FKBP15: variants seen among roughly 807,000 people sequenced by gnomAD.
The protein encoded by FKBP15 is FK506-binding protein 15.
Under a neutral mutation model 158.1 loss-of-function variants are expected in FKBP15, and 106 were observed. The ratio of observed to expected loss-of-function variants is 0.67; its 90% CI spans 0.57 to 0.79. The LOEUF (loss-of-function observed/expected upper bound fraction) is 0.79, where lower values mean the gene tolerates loss of function less well. Among genes scored for constraint, FKBP15 ranks in the 30% least tolerant of loss-of-function variants. FKBP15 has a pLI of 0.00. For synonymous variants in FKBP15, 547 were observed against 548.6 expected, an observed-to-expected ratio of 1.00 and a Z score of 0.04; for missense variants, 1,287 against 1,479.1, an observed-to-expected ratio of 0.87 and a Z score of 2.13.
At chr9:113,214,153 C>G (rs1831073129) in intron 1 of FKBP15, among the ~76,000 whole-genome samples, 1 of 152,152 alleles carries the variant, frequency 6.6e-6, no homozygotes. Flanking sequence ...CACCAAGAAA[C>G]CTGGCTAATT....
intron 20 of FKBP15, among the ~76,000 whole-genome samples, chr9:113,177,956 G>A (rs1830328227): frequency 6.6e-6 from 1 of 152,032 alleles, no homozygotes; most frequent in Non-Finnish European, 1.5e-5. Context: ...CTGTGATAAG[G>A]GTTATAATAA....
Position 113,198,754 on chromosome 9 carries a change from AAAAATAAAAAT to A in FKBP15, c.717+90_717+100del, listed in dbSNP as rs1412752981. On this transcript the variant is annotated intron_variant, in intron 8 of 27. Transcript: ENST00000238256. This position sits in a 1 kb window ranked among gnomAD's most constrained non-coding sequence, Gnocchi z 5.2. ...ACAACAAGAGCGAAACTCCGTCTCA[AAAAATAAAAAT>A]AAAATAAAAAAAGGAATTCCACAAA... The A allele has an allele frequency of 1.8e-5, 16 of 905,158 alleles. No individual in the cohort carries two copies. Among genetic ancestry groups the A allele is most frequent in the Non-Finnish European group, 2.5e-5 (15 of 604,620 alleles). The allele number at this position is 905,158 out of a possible 1,614,324, so 56.1% of individuals were successfully genotyped here. A position where few individuals can be genotyped will look rare whatever the true frequency, so the allele number is the denominator to read the frequency against.
In FKBP15 at chr9:113,183,850, T is replaced by G; in HGVS notation, c.1717-5A>C. On this transcript the variant is annotated splice_polypyrimidine_tract_variant and splice_region_variant and intron_variant, in intron 17 of 27. Transcript: ENST00000238256. ...TTGCTTCAATCTTTCATTTTCCTAA[T>G]TTCAAAATATATGATGTACAATTTA... The G allele has an allele frequency of 6.2e-7, 1 of 1,603,606 alleles. No homozygotes were observed. Among genetic ancestry groups the G allele is most frequent in the Non-Finnish European group, 8.5e-7 (1 of 1,170,956 alleles).
At chr9:113,175,324 GT>G (rs1423962945) in intron 21 of FKBP15, among the ~76,000 whole-genome samples, 6 of 152,256 alleles carry the variant, frequency 3.9e-5, no homozygotes, top group South Asian at 4.1e-4. Flanking sequence ...AGTATCTATA[GT>G]AATGACAAAC....
Position 113,178,691 on chromosome 9 carries a change from T to C in FKBP15, c.2025A>G (p.Glu675=), listed in dbSNP as rs1830340214. The change falls in exon 20 of 28, where the codon GAA becomes GAG. Residue 675 remains glutamate (E), a synonymous_variant. Transcript: ENST00000238256. ...KETELQMQLT[E]SLKETDLLRG... is the part of the protein sequence containing the mutation. Reference sequence around the variant, plus strand: ...TGAGAAGATCTGTCTCCTTCAGGCTTTCTGTCAGCTGCATCTGCAGCTCTG... The same window carrying C: ...TGAGAAGATCTGTCTCCTTCAGGCTCTCTGTCAGCTGCATCTGCAGCTCTG... 1.2e-6 allele frequency: 2 copies of C among 1,609,700 alleles called. No homozygotes were observed. Among genetic ancestry groups the C allele is most frequent in the Admixed American group, 1.7e-5 (1 of 59,512 alleles).
chr9:113,192,627 A>G lies in FKBP15; in HGVS notation c.1065+865T>C, dbSNP rs146466174. Among the ~76,000 whole-genome samples, 278 of 152,334 alleles carry G rather than the reference A, an allele frequency of 1.8e-3. 3 individuals carry two copies. The highest frequency in any genetic ancestry group is 6.3e-3 in the African/African-American group (262 of 41,574). ...TACAGAGCTCCTCTGTGAGAATGAA[A>G]GTATAAAGATATGTAATGTTAGCAA... On this transcript the variant is annotated intron_variant, in intron 11 of 27. Transcript: ENST00000238256.
At chr9:113,213,655 A>G (rs540708252) in intron 1 of FKBP15, among the ~76,000 whole-genome samples, 1 of 152,066 alleles carries the variant, frequency 6.6e-6, no homozygotes, top group South Asian at 2.1e-4. Flanking sequence ...TAAGAAGAGG[A>G]AGAAAGATCT....
chr9:113,183,659 G>T, intron 18 of FKBP15, 92 bp downstream of exon 18: 1 of 795,904 alleles, frequency 1.3e-6, no homozygotes, highest in South Asian at 1.6e-5. Flanking sequence ...AAATACATAC[G>T]TACTGCCCTA....
Position 113,161,224 on chromosome 9 carries a change from C to G in FKBP15, c.*4854G>C. Reference sequence around the variant, plus strand: ...GTACTCATCACTTAACAAGAAGTCACGACAGATTTGTGCAGCCTGCTGGGG... The same window carrying G: ...GTACTCATCACTTAACAAGAAGTCAGGACAGATTTGTGCAGCCTGCTGGGG... On this transcript the variant is annotated 3_prime_UTR_variant, in exon 28 of 28. Transcript: ENST00000238256. 1 of 436,026 alleles carries G rather than the reference C, an allele frequency of 2.3e-6. No homozygotes were observed. Among genetic ancestry groups the G allele is most frequent in the South Asian group, 2.8e-5 (1 of 35,242 alleles). The allele number at this position is 436,026 out of a possible 1,614,324, so 27.0% of individuals were successfully genotyped here.
At chr9:113,196,904 C>G (rs1293271143) in intron 9 of FKBP15, 28 bp downstream of exon 9, 2 of 1,609,298 alleles carry the variant, frequency 1.2e-6, no homozygotes, top group Non-Finnish European at 1.7e-6. Flanking sequence ...GAGGACTCAT[C>G]AAACAAAACA....
intron 14 of FKBP15, chr9:113,186,850 C>T (rs1299486090): frequency 6.4e-6 from 1 of 155,966 alleles, no homozygotes; most frequent in Non-Finnish European, 1.4e-5. Flanking sequence ...GTCACCTCAA[C>T]TGTAAGAGGA....
chr9:113,202,317 A>C (rs1453569632), intron 6 of FKBP15, among the ~76,000 whole-genome samples: 1 of 152,244 alleles, frequency 6.6e-6, no homozygotes, highest in Non-Finnish European at 1.5e-5. Flanking sequence ...CTCTGTTAAA[A>C]AAGAAAAAGG....
intron 1 of FKBP15, among the ~76,000 whole-genome samples, chr9:113,218,969 T>A (rs1016220685): frequency 6.6e-6 from 1 of 152,246 alleles, no homozygotes; most frequent in African/African-American, 2.4e-5. Flanking sequence ...ATATACATAA[T>A]TGGCCCCTTA....
At chr9:113,218,606 G>A (rs150862564) in intron 1 of FKBP15, among the ~76,000 whole-genome samples, 2 of 152,088 alleles carry the variant, frequency 1.3e-5, no homozygotes, top group South Asian at 2.1e-4. Context: ...CCCCTGCAAG[G>A]GTGAAAGCAT....
At position 113,193,493 on chromosome 9, in the gene FKBP15, G is replaced by A; in HGVS notation, c.1064C>T (p.Thr355Ile). 2 of 1,591,722 alleles carry A rather than the reference G, an allele frequency of 1.3e-6. No individual in the cohort carries two copies. Among genetic ancestry groups the A allele is most frequent in the Non-Finnish European group, 1.7e-6 (2 of 1,168,028 alleles). The change falls in exon 11 of 28, where the codon ACA (threonine) becomes ATA (isoleucine). Residue 355 changes from threonine (T) to isoleucine (I), a missense_variant and splice_region_variant. Transcript: ENST00000238256. ...NSLSEQLAIN[T>I]SPDAVKAKLI... ...CCTGGCCAAGACTCTTATACTTACT[G>A]TATTTATTGCAAGTTGTTCACTGAG... is the stretch of plus-strand genomic sequence containing the variant.
Position 113,202,636 on chromosome 9 carries a change from A to G in FKBP15, c.400-7T>C, listed in dbSNP as rs768652080. 14 of 1,551,532 alleles carry G rather than the reference A, an allele frequency of 9.0e-6. No homozygotes were observed. Among genetic ancestry groups the G allele is most frequent in the Non-Finnish European group, 1.2e-5 (14 of 1,143,554 alleles). The stretch of plus-strand genomic sequence containing the variant: ...TATAGTTATTGGGCCGAACCTGGAG[A>G]AAGGAGAAATGTTAAATTCATCCAC... On this transcript the variant is annotated splice_polypyrimidine_tract_variant and splice_region_variant and intron_variant, in intron 5 of 27. Transcript: ENST00000238256.
chr9:113,196,802 T>G, intron 9 of FKBP15, 130 bp downstream of exon 9: 1 of 1,192,380 alleles, frequency 8.4e-7, no homozygotes, highest in Non-Finnish European at 1.1e-6. Context: ...ACTCCATTTC[T>G]AATTTTTCAA....
intron 25 of FKBP15, 72 bp downstream of exon 25, chr9:113,170,450 T>C (rs1413361266): frequency 6.5e-6 from 7 of 1,083,620 alleles, no homozygotes; most frequent in African/African-American, 4.7e-5. Context: ...TTTTTATTCA[T>C]GATCCCTTAG....
At chr9:113,206,278 C>A in intron 4 of FKBP15, 1 of 549,654 alleles carries the variant, frequency 1.8e-6, no homozygotes, top group Non-Finnish European at 3.2e-6. Context: ...AAGCTAGGAT[C>A]ATATCACAAA....
Sources: gnomAD v4.1 joint callset for allele counts (sites outside exome capture counted in the v4.1 genomes callset) on GRCh38, gnomAD v4.1.1 for gene constraint, Gnocchi (gnomAD v3.1) non-coding constraint, MANE v1.5 for transcripts, NCBI Gene and HGNC (gene_info 2026-07-23, HGNC 2026-07-21) for gene names.